Variants in RFTN1 observed in about 807,000 individuals in gnomAD.
RFTN1 encodes raftlin, lipid raft linker 1.
A neutral mutation model predicts 46.5 loss-of-function variants in RFTN1; 26 were observed. That is an observed-to-expected ratio of 0.56 (90% confidence interval 0.41 to 0.78). The LOEUF is 0.78. Among genes scored for constraint, RFTN1 ranks in the 30% least tolerant of loss-of-function variants. The pLI is 0.00. For missense variants in RFTN1, 693 were observed against 718.7 expected (o/e 0.96, Z 0.41); for synonymous variants, 261 against 284.2 (o/e 0.92, Z 0.82).
chr3:16,332,811 C>T (rs1401135508), intron 7 of RFTN1, among the ~76,000 whole-genome samples: 1 of 133,174 alleles, frequency 7.5e-6, no homozygotes, highest in Non-Finnish European at 1.6e-5. Context: ...TTCTTCTAAT[C>T]TTTTTGTTCT....
intron 9 of RFTN1, 69 bp downstream of exon 9, chr3:16,323,307 G>T: frequency 8.4e-7 from 1 of 1,197,490 alleles, no homozygotes; most frequent in Non-Finnish European, 1.2e-6. Context: ...CCCCTCAAAT[G>T]CTGCAGAAAA....
In RFTN1 at chr3:16,503,068, G is replaced by A. The variant is rs192486730; in HGVS notation, c.-8-9191C>T. Among the ~76,000 whole-genome samples, 15 of 152,220 alleles carry A rather than the reference G, an allele frequency of 9.9e-5. No homozygotes were observed. In the East Asian group the frequency reaches 2.5e-3, roughly 25 times the overall value. ...AATAGGAGTGGTGTTTGCATTATAA[G>A]AAGAAAACACTTGCTTACCCCCACT... On this transcript the variant is annotated intron_variant, in intron 1 of 9. Coordinates refer to ENST00000334133, the MANE Select transcript of RFTN1 (RefSeq NM_015150.2).
chr3:16,394,856 CAG>C (rs1264286789), intron 4 of RFTN1, among the ~76,000 whole-genome samples: 8 of 151,928 alleles, frequency 5.3e-5, no homozygotes, highest in African/African-American at 1.9e-4. Context: ...TGACTCAGGA[CAG>C]AATTTCCAGA....
In RFTN1 at chr3:16,322,154, C is replaced by T. The variant is rs2069134322; in HGVS notation, c.1332+1222G>A. ...AGCGCTCTGCAGCCGATCCATCTTC[C>T]AGCTGGTGGCTGCCTGCTCCTGGTG... On this transcript the variant is annotated intron_variant, in intron 9 of 9. Transcript: ENST00000334133. The surrounding 1 kb of genome is among the most constrained non-coding windows in gnomAD (Gnocchi z 6.2). 6.6e-6 allele frequency among the ~76,000 whole-genome samples: 1 copy of T among 152,240 alleles called. No homozygotes were observed. Among genetic ancestry groups the T allele is most frequent in the Non-Finnish European group, 1.5e-5 (1 of 68,052 alleles).
At chr3:16,482,907 T>A in intron 2 of RFTN1, 1 of 1,389,234 alleles carries the variant, frequency 7.2e-7, no homozygotes, top group Non-Finnish European at 9.8e-7. Context: ...TGCGGAAATA[T>A]AGAAAGTCCC....
At position 16,370,682 on chromosome 3, in the gene RFTN1, G is replaced by T. The variant is rs2073459719; in HGVS notation, c.827-403C>A. Among the ~76,000 whole-genome samples the T allele has an allele frequency of 6.6e-6, 1 of 152,156 alleles. No homozygotes were observed. The highest frequency in any genetic ancestry group is 1.5e-5 in the Non-Finnish European group (1 of 68,044). On this transcript the variant is annotated intron_variant, in intron 5 of 9. Coordinates refer to ENST00000334133, the MANE Select transcript of RFTN1 (RefSeq NM_015150.2). This position sits in a 1 kb window ranked among gnomAD's most constrained non-coding sequence, Gnocchi z 5.5. ...TGGTCTTTGGAAAACTAAATGTACA[G>T]AGACACATAAAAACAAAAATACTGC...
chr3:16,377,647 C>G, intron 5 of RFTN1, 71 bp downstream of exon 5: 1 of 1,514,936 alleles, frequency 6.6e-7, no homozygotes, highest in Non-Finnish European at 8.8e-7. Flanking sequence ...CTCTGAGATA[C>G]CATGGGGATT....
intron 4 of RFTN1, among the ~76,000 whole-genome samples, chr3:16,391,656 G>A (rs1457163134): frequency 6.6e-6 from 1 of 151,970 alleles, no homozygotes; most frequent in Non-Finnish European, 1.5e-5. Flanking sequence ...AAGAGCAGAG[G>A]GAATACTAAG....
intron 9 of RFTN1, among the ~76,000 whole-genome samples, chr3:16,318,268 A>G (rs1239915719): frequency 2.0e-5 from 3 of 152,142 alleles, no homozygotes; most frequent in African/African-American, 4.8e-5. Flanking sequence ...AGTTCCCACC[A>G]TGGCCACTTC....
At chr3:16,373,934 G>C (rs2073633124) in intron 5 of RFTN1, among the ~76,000 whole-genome samples, 1 of 152,206 alleles carries the variant, frequency 6.6e-6, no homozygotes. Flanking sequence ...ATCTGGGCAA[G>C]GCTGCTCAAG....
rs185513019 is a variant in RFTN1, at chr3:16,353,908, G to A, written c.1146+4024C>T. On this transcript the variant is annotated intron_variant, in intron 7 of 9. Transcript: ENST00000334133. The surrounding 1 kb of genome is among the most constrained non-coding windows in gnomAD (Gnocchi z 5.4). ...AACTGAGAGGAAAGAAATTTCTGTC[G>A]TTTAATCCGTCTAGTCTGGTATTTT... Among the ~76,000 whole-genome samples, 8 of 152,266 alleles carry A rather than the reference G, an allele frequency of 5.3e-5. No homozygotes were observed. The highest frequency in any genetic ancestry group is 4.1e-4 in the South Asian group (2 of 4,820).
At chr3:16,502,181 A>G (rs540180554) in intron 1 of RFTN1, among the ~76,000 whole-genome samples, 1 of 152,174 alleles carries the variant, frequency 6.6e-6, no homozygotes, top group Non-Finnish European at 1.5e-5. Flanking sequence ...AGCCTGGGCA[A>G]CATGGCAAGA....
chr3:16,499,989 T>C lies in RFTN1; in HGVS notation c.-8-6112A>G, dbSNP rs1012948024. On this transcript the variant is annotated intron_variant, in intron 1 of 9. Coordinates refer to ENST00000334133, the MANE Select transcript of RFTN1 (RefSeq NM_015150.2). This position sits in a 1 kb window ranked among gnomAD's most constrained non-coding sequence, Gnocchi z 4.9. The stretch of plus-strand genomic sequence containing the variant: ...GTAGGATGTCCAGATACTGCCGCCA[T>C]GAAAAGTGTATGGAAAGTGAGATCT... Among the ~76,000 whole-genome samples, 4 of 152,232 alleles carry C rather than the reference T, an allele frequency of 2.6e-5. No homozygotes were observed. The highest frequency in any genetic ancestry group is 5.9e-5 in the Non-Finnish European group (4 of 68,038).
chr3:16,416,723 T>G (rs1406544694), intron 3 of RFTN1, among the ~76,000 whole-genome samples: 1 of 152,134 alleles, frequency 6.6e-6, no homozygotes. Context: ...AGATGAGTAA[T>G]GTAGACTCTT....
chr3:16,398,673 C>G (rs931331984), intron 4 of RFTN1, among the ~76,000 whole-genome samples: 1 of 152,160 alleles, frequency 6.6e-6, no homozygotes, highest in South Asian at 2.1e-4. Flanking sequence ...ACAATCAACC[C>G]AAAACACCAG....
rs766083902 is a variant in RFTN1, at chr3:16,374,932, C to T, written c.826+2786G>A. On this transcript the variant is annotated intron_variant, in intron 5 of 9. Transcript: ENST00000334133. This position sits in a 1 kb window ranked among gnomAD's most constrained non-coding sequence, Gnocchi z 5.4. Reference sequence around the variant, plus strand: ...CAGAGATGGGGAGGGACGACCTGCCCCTGCTTCCGCATGGAGAATCCACTG... The same window carrying T: ...CAGAGATGGGGAGGGACGACCTGCCTCTGCTTCCGCATGGAGAATCCACTG... Among the ~76,000 whole-genome samples, 1 of 152,310 alleles carries T rather than the reference C, an allele frequency of 6.6e-6. No homozygotes were observed. The highest frequency in any genetic ancestry group is 1.9e-4 in the East Asian group (1 of 5,184).
At position 16,480,998 on chromosome 3, in the gene RFTN1, GACAC is replaced by G. The variant is rs34945684; in HGVS notation, c.145+12723_145+12726del. 9.1e-3 allele frequency among the ~76,000 whole-genome samples: 1,332 copies of G among 145,864 alleles called. 13 individuals are homozygous for G. The highest frequency in any genetic ancestry group is 0.028 in the Middle Eastern group (8 of 282). On this transcript the variant is annotated intron_variant, in intron 2 of 9. Coordinates refer to ENST00000334133, the MANE Select transcript of RFTN1 (RefSeq NM_015150.2). This position sits in a 1 kb window ranked among gnomAD's most constrained non-coding sequence, Gnocchi z 4.3. ...ATATGCACATGCACACACACACACAGACACACACACACACACACACACACACACA... is the reference window on the plus strand; with the variant it reads ...ATATGCACATGCACACACACACACAGACACACACACACACACACACACACA...
intron 2 of RFTN1, among the ~76,000 whole-genome samples, chr3:16,482,103 C>T (rs116519670): frequency 1.1e-3 from 160 of 152,256 alleles, no homozygotes; most frequent in African/African-American, 3.7e-3. Context: ...AGGTCATGGG[C>T]AGCATGACCC....
chr3:16,499,860 C>T lies in RFTN1; in HGVS notation c.-8-5983G>A, dbSNP rs943254456. Among the ~76,000 whole-genome samples the T allele has an allele frequency of 9.2e-5, 14 of 152,180 alleles. No individual in the cohort carries two copies. The highest frequency in any genetic ancestry group is 2.9e-4 in the African/African-American group (12 of 41,442). On this transcript the variant is annotated intron_variant, in intron 1 of 9. Transcript: ENST00000334133. The surrounding 1 kb of genome is among the most constrained non-coding windows in gnomAD (Gnocchi z 4.9). ...ATTTGTGTAGAGGTTTTTATATGGA[C>T]ATAAGTTTTCACTTCTCTAGGGTAA...
Sources: gnomAD v4.1 joint callset for allele counts (sites outside exome capture counted in the v4.1 genomes callset) on GRCh38, gnomAD v4.1.1 for gene constraint, Gnocchi (gnomAD v3.1) non-coding constraint, MANE v1.5 for transcripts, NCBI Gene and HGNC (gene_info 2026-07-23, HGNC 2026-07-21) for gene names.